Variants in GALNTL6 observed in about 807,000 individuals in gnomAD.
GALNTL6 encodes polypeptide N-acetylgalactosaminyltransferase like 6.
In GALNTL6, 46 loss-of-function variants were observed where a neutral mutation model predicts 73.7. That is an observed-to-expected ratio of 0.62 (90% confidence interval 0.49 to 0.80). The LOEUF (loss-of-function observed/expected upper bound fraction) is 0.80. Ranked by LOEUF, GALNTL6 falls within the 30% of genes least tolerant of loss-of-function variation. The pLI is 0.00. For synonymous variants in GALNTL6, 259 were observed against 263.7 expected (o/e 0.98, Z 0.17); for missense variants, 604 against 755.0 (o/e 0.80, Z 2.34).
intron 5 of GALNTL6, among the ~76,000 whole-genome samples, chr4:172,454,250 C>T (rs1387203605): frequency 6.6e-6 from 1 of 152,230 alleles, no homozygotes; most frequent in Non-Finnish European, 1.5e-5. Context: ...CTCCCACCTC[C>T]ATCCTTGGTC....
chr4:172,037,631 G>T (rs1449328805), intron 2 of GALNTL6, among the ~76,000 whole-genome samples: 1 of 152,092 alleles, frequency 6.6e-6, no homozygotes, highest in Non-Finnish European at 1.5e-5. Flanking sequence ...CCCAACTCTT[G>T]TAGTTATCTT....
intron 5 of GALNTL6, among the ~76,000 whole-genome samples, chr4:172,694,709 C>A (rs1733576047): frequency 6.6e-6 from 1 of 152,156 alleles, no homozygotes; most frequent in Non-Finnish European, 1.5e-5. Context: ...TTCCTCATAG[C>A]TGAGATCTGT....
At chr4:172,255,605 A>T (rs1738047095) in intron 3 of GALNTL6, among the ~76,000 whole-genome samples, 1 of 151,298 alleles carries the variant, frequency 6.6e-6, no homozygotes, top group African/African-American at 2.4e-5. Context: ...TTCTACTCTC[A>T]ATAAATGTGT....
intron 7 of GALNTL6, among the ~76,000 whole-genome samples, chr4:172,858,962 GA>G (rs1266575241): frequency 1.5e-4 from 21 of 143,772 alleles, no homozygotes; most frequent in African/African-American, 5.1e-4. Context: ...ATGGTCTCTT[GA>G]AAAAAAATAA....
chr4:173,032,600 G>A (rs575132657), intron 12 of GALNTL6, among the ~76,000 whole-genome samples: 3 of 152,330 alleles, frequency 2.0e-5, no homozygotes, highest in South Asian at 2.1e-4. Context: ...GGGAACGATT[G>A]TTTGAGCCTG....
intron 5 of GALNTL6, among the ~76,000 whole-genome samples, chr4:172,501,338 A>G (rs1364993206): frequency 6.6e-6 from 1 of 152,224 alleles, no homozygotes; most frequent in African/African-American, 2.4e-5. Context: ...AGCTTTATTA[A>G]TCAAAAATTT....
chr4:172,547,490 T>A (rs1348514284), intron 5 of GALNTL6, among the ~76,000 whole-genome samples: 2 of 152,120 alleles, frequency 1.3e-5, no homozygotes, highest in African/African-American at 4.8e-5. Context: ...GAGGGAAGCA[T>A]ATTTTAATTA....
At chr4:172,127,410 G>A (rs934650323) in intron 2 of GALNTL6, among the ~76,000 whole-genome samples, 2 of 152,206 alleles carry the variant, frequency 1.3e-5, no homozygotes, top group East Asian at 1.9e-4. Context: ...TGCAACAGCC[G>A]CAGGCTGGGG....
intron 2 of GALNTL6, among the ~76,000 whole-genome samples, chr4:171,955,059 A>G (rs1449969116): frequency 1.3e-5 from 2 of 152,196 alleles, no homozygotes; most frequent in Non-Finnish European, 2.9e-5. Context: ...GAACTAATAC[A>G]GAAGTCTTAA....
At chr4:172,951,362 TC>T (rs1749435814) in intron 9 of GALNTL6, among the ~76,000 whole-genome samples, 1 of 152,190 alleles carries the variant, frequency 6.6e-6, no homozygotes, top group South Asian at 2.1e-4. Context: ...CCATACACTC[TC>T]CTACACCTAA....
intron 5 of GALNTL6, 144 bp downstream of exon 5, chr4:172,348,833 A>G (rs1219664478): frequency 2.1e-6 from 1 of 485,896 alleles, no homozygotes; most frequent in Non-Finnish European, 3.5e-6. Flanking sequence ...TGATTTCGTA[A>G]AATATTCACC....
chr4:172,293,600 C>T (rs1242855286), intron 3 of GALNTL6, among the ~76,000 whole-genome samples: 1 of 152,060 alleles, frequency 6.6e-6, no homozygotes, highest in Non-Finnish European at 1.5e-5. Flanking sequence ...GACCTCTGTT[C>T]TGCGTAGTCA....
chr4:172,793,584 G>A (rs981836668), intron 5 of GALNTL6, among the ~76,000 whole-genome samples: 1 of 152,136 alleles, frequency 6.6e-6, no homozygotes, highest in Non-Finnish European at 1.5e-5. Flanking sequence ...GCAGCTCAAG[G>A]AGATGCAGCC....
intron 8 of GALNTL6, among the ~76,000 whole-genome samples, chr4:172,930,879 G>A (rs1467838160): frequency 2.6e-5 from 4 of 152,098 alleles, no homozygotes; most frequent in Non-Finnish European, 5.9e-5. Context: ...TGCCCAGGCT[G>A]GTCGTGACCA....
intron 2 of GALNTL6, among the ~76,000 whole-genome samples, chr4:172,025,500 AAGAT>A (rs1456195595): frequency 1.3e-5 from 2 of 152,020 alleles, no homozygotes; most frequent in Non-Finnish European, 2.9e-5. Context: ...GAAATAATAA[AAGAT>A]AGAAAAATGT....
chr4:172,973,661 C>G (rs1478005394), intron 10 of GALNTL6, among the ~76,000 whole-genome samples: 2 of 152,018 alleles, frequency 1.3e-5, no homozygotes, highest in African/African-American at 4.8e-5. Flanking sequence ...TTTTAGATAA[C>G]CAGAGGAATG....
intron 5 of GALNTL6, among the ~76,000 whole-genome samples, chr4:172,385,034 T>A (rs891076442): frequency 1.3e-5 from 2 of 151,264 alleles, no homozygotes; most frequent in African/African-American, 4.8e-5. Flanking sequence ...TTTTGTTTTT[T>A]TTTTTTTACC....
intron 2 of GALNTL6, among the ~76,000 whole-genome samples, chr4:171,838,923 G>C (rs1289523234): frequency 6.6e-6 from 1 of 152,148 alleles, no homozygotes; most frequent in Non-Finnish European, 1.5e-5. Context: ...AAGCACTCTA[G>C]GGACTGCTCT....
chr4:172,584,725 A>G (rs1737334471), intron 5 of GALNTL6, among the ~76,000 whole-genome samples: 1 of 152,186 alleles, frequency 6.6e-6, no homozygotes. Flanking sequence ...ACTAATTAAG[A>G]TTGAGGACAT....
Sources: gnomAD v4.1 joint callset for allele counts (sites outside exome capture counted in the v4.1 genomes callset) on GRCh38, gnomAD v4.1.1 for gene constraint, MANE v1.5 for transcripts, NCBI Gene and HGNC (gene_info 2026-07-23, HGNC 2026-07-21) for gene names.